NRXN3: variants seen among roughly 807,000 people sequenced by gnomAD.
NRXN3 encodes the protein neurexin 3.
A neutral mutation model predicts 137.6 loss-of-function variants in NRXN3; 32 were observed. That is an observed-to-expected ratio of 0.23 (90% CI 0.18 to 0.31). The LOEUF (loss-of-function observed/expected upper bound fraction) is 0.31, where lower values mean the gene tolerates loss of function less well. Among genes scored for constraint, NRXN3 ranks in the 10% least tolerant of loss-of-function variants. NRXN3 has a pLI of 1.00. For synonymous variants in NRXN3, 798 were observed against 784.5 expected (o/e 1.02, Z -0.29); for missense variants, 1,574 against 2,062.5 (o/e 0.76, Z 4.59).
intron 4 of NRXN3, among the ~76,000 whole-genome samples, chr14:78,302,176 T>G (rs904621529): frequency 6.6e-6 from 1 of 152,180 alleles, no homozygotes; most frequent in African/African-American, 2.4e-5. Context: ...TCTCTGTCTC[T>G]GTCTCCTTGT....
intron 15 of NRXN3, among the ~76,000 whole-genome samples, chr14:79,328,133 C>T (rs772004631): frequency 6.6e-6 from 1 of 151,628 alleles, no homozygotes; most frequent in African/African-American, 2.4e-5. Context: ...TAAAATTTAA[C>T]AGAAAAGGAA....
chr14:79,299,769 T>C (rs1320790156), intron 15 of NRXN3, among the ~76,000 whole-genome samples: 1 of 152,032 alleles, frequency 6.6e-6, no homozygotes, highest in Non-Finnish European at 1.5e-5. Flanking sequence ...AAAAGATACC[T>C]AGATGGAGGA....
At chr14:79,285,800 G>T (rs1163184296) in intron 15 of NRXN3, among the ~76,000 whole-genome samples, 2 of 152,080 alleles carry the variant, frequency 1.3e-5, no homozygotes, top group African/African-American at 4.8e-5. Flanking sequence ...TTTGACATAT[G>T]AATTTTGAAG....
chr14:78,873,584 C>T (rs2099106469), intron 10 of NRXN3, among the ~76,000 whole-genome samples: 1 of 152,160 alleles, frequency 6.6e-6, no homozygotes, highest in Admixed American at 6.5e-5. Context: ...ACTGAAAGGA[C>T]AAATACAATA....
chr14:79,429,966 G>T (rs886708205), intron 15 of NRXN3, among the ~76,000 whole-genome samples: 1 of 150,106 alleles, frequency 6.7e-6, no homozygotes, highest in Non-Finnish European at 1.5e-5. Flanking sequence ...TCTGTATCTT[G>T]TTGTCAGGAA....
chr14:79,644,931 T>A (rs2153964762), intron 16 of NRXN3, among the ~76,000 whole-genome samples: 1 of 135,978 alleles, frequency 7.4e-6, no homozygotes, highest in Non-Finnish European at 1.7e-5. Context: ...TCACTGCTGC[T>A]CGACTCATGT....
intron 19 of NRXN3, among the ~76,000 whole-genome samples, chr14:79,798,654 G>A (rs1447428821): frequency 2.0e-5 from 3 of 152,096 alleles, no homozygotes; most frequent in Non-Finnish European, 4.4e-5. Flanking sequence ...GGAGATGGGT[G>A]GGGAAAATTG....
chr14:78,836,481 A>G, intron 10 of NRXN3, among the ~76,000 whole-genome samples: 1 of 152,218 alleles, frequency 6.6e-6, no homozygotes, highest in Admixed American at 6.5e-5. Flanking sequence ...CTGATTCAGT[A>G]GGTTGAGTTG....
At chr14:78,246,187 G>C (rs2067646258) in intron 2 of NRXN3, among the ~76,000 whole-genome samples, 1 of 151,974 alleles carries the variant, frequency 6.6e-6, no homozygotes, top group Admixed American at 6.6e-5. Context: ...CATTTCCTTG[G>C]GGCAGGTTTG....
chr14:79,603,822 T>C (rs1459232981), intron 16 of NRXN3, among the ~76,000 whole-genome samples: 1 of 152,184 alleles, frequency 6.6e-6, no homozygotes, highest in Non-Finnish European at 1.5e-5. Context: ...TGAGATTCTT[T>C]TCATACAAGT....
At chr14:78,746,935 A>G (rs1409475925) in intron 8 of NRXN3, among the ~76,000 whole-genome samples, 2 of 152,236 alleles carry the variant, frequency 1.3e-5, no homozygotes, top group Admixed American at 6.5e-5. Context: ...TGACATATGC[A>G]TAAAAGTACA....
intron 16 of NRXN3, among the ~76,000 whole-genome samples, chr14:79,479,484 A>G (rs72690745): frequency 0.018 from 2,783 of 152,130 alleles, 38 homozygotes; most frequent in South Asian, 0.032. Context: ...TGTCATAGAT[A>G]TAGATATATA....
Position 79,862,029 on chromosome 14 carries a change from G to A in NRXN3, c.*65G>A. The A allele has an allele frequency of 7.6e-7, 1 of 1,308,596 alleles. No homozygotes were observed. The highest frequency in any genetic ancestry group is 1.1e-6 in the Non-Finnish European group (1 of 945,080). 81.1% of individuals were successfully genotyped at this position (1,308,596 alleles called of 1,614,324 possible). ...TTCTATCCACGCCTATGAATCTTTG[G>A]ACGGTGAGATCTCACAGATGTCAGA... On this transcript the variant is annotated 3_prime_UTR_variant, in exon 21 of 21. Coordinates refer to ENST00000335750, the MANE Select transcript of NRXN3 (RefSeq NM_001330195.2).
intron 4 of NRXN3, among the ~76,000 whole-genome samples, chr14:78,532,375 T>TTTTG (rs375133680): frequency 1.4e-4 from 20 of 138,660 alleles, no homozygotes; most frequent in African/African-American, 5.1e-4. Context: ...TGATGATATT[T>TTTTG]TGTGTGTGTG....
chr14:78,247,199 C>G (rs1035966727), intron 2 of NRXN3, among the ~76,000 whole-genome samples: 2 of 152,170 alleles, frequency 1.3e-5, no homozygotes, highest in African/African-American at 4.8e-5. Context: ...TCCAAAATGT[C>G]ATCATGCTGC....
At chr14:79,263,754 TA>T (rs1344168150) in intron 15 of NRXN3, among the ~76,000 whole-genome samples, 1 of 152,072 alleles carries the variant, frequency 6.6e-6, no homozygotes, top group African/African-American at 2.4e-5. Context: ...ATACCCAAAG[TA>T]AATTGAATAT....
chr14:78,779,039 A>G (rs2098758849), intron 8 of NRXN3, among the ~76,000 whole-genome samples: 1 of 151,992 alleles, frequency 6.6e-6, no homozygotes, highest in South Asian at 2.1e-4. Context: ...TTGGATAGAA[A>G]CCAACATAGA....
chr14:78,581,032 A>C (rs2096989539), intron 4 of NRXN3, among the ~76,000 whole-genome samples: 1 of 152,214 alleles, frequency 6.6e-6, no homozygotes, highest in African/African-American at 2.4e-5. Context: ...GGTACTCTAT[A>C]ATGGAAGGTA....
chr14:79,486,135 G>T (rs1228546285), intron 16 of NRXN3, among the ~76,000 whole-genome samples: 1 of 152,040 alleles, frequency 6.6e-6, no homozygotes, highest in East Asian at 1.9e-4. Context: ...AAACCATCTT[G>T]CTACTAGCTT....
Sources: allele counts gnomAD v4.1 joint callset (sites outside exome capture counted in the v4.1 genomes callset), GRCh38; gene constraint gnomAD v4.1.1; transcripts MANE v1.5; gene names NCBI Gene and HGNC (gene_info 2026-07-23, HGNC 2026-07-21).